The following DPH6 variants were observed in gnomAD, a reference collection of about 807,000 sequenced individuals.
DPH6 encodes the protein diphthine--ammonia ligase.
Under a neutral mutation model 38.2 loss-of-function variants are expected in DPH6, and 33 were observed. The ratio of observed to expected loss-of-function variants is 0.86; its 90% CI spans 0.65 to 1.15. DPH6 has a LOEUF of 1.15. DPH6 is among the 50% of genes most tolerant of loss of function. The pLI, the probability that DPH6 is intolerant of heterozygous loss-of-function variation, is 0.00. For missense variants in DPH6, 325 were observed against 320.0 expected (o/e 1.02, Z -0.12); for synonymous variants, 108 against 103.0 (o/e 1.05, Z -0.30).
At chr15:35,366,795 C>T (rs570423292), downstream of DPH6, among the ~76,000 whole-genome samples, 5 of 152,056 alleles carry the variant, frequency 3.3e-5, no homozygotes, top group African/African-American at 1.2e-4. Context: ...CTGGAGTTAT[C>T]TGTCAATGTA....
chr15:35,532,679 T>C (rs541736684), intron 3 of DPH6, among the ~76,000 whole-genome samples: 42 of 152,208 alleles, frequency 2.8e-4, no homozygotes, highest in Admixed American at 9.8e-4. Flanking sequence ...GGTGGAAATA[T>C]CATGAGCAAC....
At chr15:35,230,824 A>T (rs1169014441) in intron 3 of DPH6, among the ~76,000 whole-genome samples, 1 of 152,090 alleles carries the variant, frequency 6.6e-6, no homozygotes, top group Non-Finnish European at 1.5e-5. Context: ...CTGCAAAGGG[A>T]GTTCAAGACT....
intron 3 of DPH6, among the ~76,000 whole-genome samples, chr15:35,522,828 T>C (rs1233612458): frequency 6.6e-6 from 1 of 152,170 alleles, no homozygotes; most frequent in African/African-American, 2.4e-5. Flanking sequence ...TTTCTATGCA[T>C]GTACTTACAC....
chr15:35,496,567 A>ATATAT (rs1555406398), intron 3 of DPH6, among the ~76,000 whole-genome samples: 1,705 of 31,002 alleles, frequency 0.055, 114 homozygotes, highest in Non-Finnish European at 0.071. Flanking sequence ...AAAAAAAAAA[A>ATATAT]ATATATATAT....
intron 3 of DPH6, among the ~76,000 whole-genome samples, chr15:35,525,549 T>C (rs2054986941): frequency 6.6e-6 from 1 of 152,148 alleles, no homozygotes; most frequent in South Asian, 2.1e-4. Flanking sequence ...TCATGAATAC[T>C]CCCAGGCTAC....
chr15:35,424,487 ATAT>A (rs969354549), intron 5 of DPH6, among the ~76,000 whole-genome samples: 1 of 150,984 alleles, frequency 6.6e-6, no homozygotes, highest in Non-Finnish European at 1.5e-5. Context: ...AATATGTATG[ATAT>A]TATCTGTAAG....
At chr15:35,257,794 G>GTGTT (rs2051718199) in intron 3 of DPH6, among the ~76,000 whole-genome samples, 1 of 151,960 alleles carries the variant, frequency 6.6e-6, no homozygotes, top group Non-Finnish European at 1.5e-5. Context: ...GTGTGTGTGT[G>GTGTT]TGCATTTTCT....
downstream of DPH6, among the ~76,000 whole-genome samples, chr15:35,213,933 A>G (rs1426762268): frequency 6.6e-6 from 1 of 152,212 alleles, no homozygotes; most frequent in Admixed American, 6.5e-5. Flanking sequence ...TAACACGGTG[A>G]AACCCCGTCT....
intron 6 of DPH6, among the ~76,000 whole-genome samples, chr15:35,410,419 T>C (rs2053350605): frequency 1.3e-5 from 2 of 151,858 alleles, no homozygotes; most frequent in South Asian, 4.1e-4. Flanking sequence ...CTTTTTTTAC[T>C]ATGCTGCAAG....
At chr15:35,457,653 G>C (rs2054013823) in intron 3 of DPH6, among the ~76,000 whole-genome samples, 1 of 152,162 alleles carries the variant, frequency 6.6e-6, no homozygotes, top group African/African-American at 2.4e-5. Context: ...CTAGCTCTGT[G>C]ATTTTGAATG....
At chr15:35,482,101 G>C (rs749102940) in intron 3 of DPH6, among the ~76,000 whole-genome samples, 1 of 152,204 alleles carries the variant, frequency 6.6e-6, no homozygotes, top group Non-Finnish European at 1.5e-5. Flanking sequence ...TTTACTGCCA[G>C]AGAGGGTTGA....
At chr15:35,382,076 A>G (rs2052875018) in intron 6 of DPH6, among the ~76,000 whole-genome samples, 160 bp from the exon 7 acceptor site, 1 of 152,224 alleles carries the variant, frequency 6.6e-6, no homozygotes, top group Admixed American at 6.5e-5. Flanking sequence ...AACCTGTTTA[A>G]AGCCATTTCA....
In DPH6 at chr15:35,538,296, T is replaced by C; in HGVS notation, c.290A>G (p.Tyr97Cys). The stretch of plus-strand genomic sequence containing the variant: ...TACCTTAACAAGTTTCAAAAGCTCA[T>C]AGAGATCTTCAACCTCATCACCTTC... Reference protein sequence around the residue: ...KCEGDEVEDLYELLKLVKEKE... With the variant: ...KCEGDEVEDLCELLKLVKEKE... The change falls in exon 3 of 9, where the codon TAT becomes TGT. Residue 97 changes from tyrosine (Y) to cysteine (C), a missense_variant. Tyr to Cys is a radical substitution (Grantham distance 194). Coordinates refer to ENST00000256538, the MANE Select transcript of DPH6 (RefSeq NM_080650.4). 5 of 1,576,680 alleles carry C rather than the reference T, an allele frequency of 3.2e-6. No individual in the cohort carries two copies. Among genetic ancestry groups the C allele is most frequent in the Non-Finnish European group, 4.3e-6 (5 of 1,151,782 alleles).
intron 3 of DPH6, among the ~76,000 whole-genome samples, chr15:35,229,208 C>T (rs987947659): frequency 7.9e-5 from 12 of 152,044 alleles, no homozygotes; most frequent in African/African-American, 2.4e-4. Flanking sequence ...GCTATTTTCT[C>T]GATCTTGTAG....
chr15:35,277,659 T>G (rs1566857678), intron 3 of DPH6, among the ~76,000 whole-genome samples: 1 of 152,114 alleles, frequency 6.6e-6, no homozygotes, highest in Non-Finnish European at 1.5e-5. Context: ...ACCAGAATGT[T>G]GATAGAGACA....
At chr15:35,199,697 C>T in the DPH6 span, among the ~76,000 whole-genome samples, 1 of 150,714 alleles carries the variant, frequency 6.6e-6, no homozygotes, top group Non-Finnish European at 1.5e-5. Context: ...CTAGAGATTG[C>T]TTATGTCAGA....
chr15:35,496,567 A>AAAAT lies in DPH6; in HGVS notation c.312+41706_312+41707insATTT. ...GAAAGTTCCATCTCAAAAAAAAAAA[A>AAAAT]ATATATATATATATATATATATATC... On this transcript the variant is annotated intron_variant, in intron 3 of 8. Coordinates refer to ENST00000256538, the MANE Select transcript of DPH6 (RefSeq NM_080650.4). Among the ~76,000 whole-genome samples the AAAAT allele has an allele frequency of 7.2e-3, 224 of 31,028 alleles. 8 individuals are homozygous for AAAAT. The highest frequency in any genetic ancestry group is 9.9e-3 in the Non-Finnish European group (189 of 19,048). The allele number at this position is 31,028 out of a possible 152,430, so 20.4% of individuals were successfully genotyped here.
rs190756263 is a variant in DPH6, at chr15:35,467,376, C to G, written c.313-12556G>C. On this transcript the variant is annotated intron_variant, in intron 3 of 8. Coordinates refer to ENST00000256538, the MANE Select transcript of DPH6 (RefSeq NM_080650.4). ...GGTCAGGAGTTTGAGACCAGCCTGG[C>G]CAACATGGTGAAACCCCCATCTCTA... Among the ~76,000 whole-genome samples the G allele has an allele frequency of 7.9e-4, 121 of 152,238 alleles. 1 individual carries two copies. Among genetic ancestry groups the G allele is most frequent in the African/African-American group, 2.9e-3 (120 of 41,550 alleles).
At chr15:35,400,477 A>G (rs1269239417) in intron 6 of DPH6, among the ~76,000 whole-genome samples, 1 of 152,186 alleles carries the variant, frequency 6.6e-6, no homozygotes, top group African/African-American at 2.4e-5. Flanking sequence ...TAGTGGTGGT[A>G]GCAGTGAATC....
Sources: allele counts gnomAD v4.1 joint callset (sites outside exome capture counted in the v4.1 genomes callset), GRCh38; gene constraint gnomAD v4.1.1; transcripts MANE v1.5; gene names NCBI Gene and HGNC (gene_info 2026-07-23, HGNC 2026-07-21).